Variants in LURAP1L observed in about 807,000 individuals in gnomAD.
The protein encoded by LURAP1L is leucine rich adaptor protein 1 like, also known as leucine rich adaptor protein 1-like.
Under a neutral mutation model 13.8 loss-of-function variants are expected in LURAP1L, and 12 were observed. The ratio of observed to expected loss-of-function variants is 0.87; its 90% CI spans 0.56 to 1.41. LURAP1L has a LOEUF of 1.41. LURAP1L is among the 40% of genes most tolerant of loss of function. The probability of loss-of-function intolerance (pLI) is 0.00; values close to 1 mark genes in which losing one functional copy is unlikely to be tolerated. For synonymous variants in LURAP1L, 139 were observed against 119.2 expected (o/e 1.17, Z -1.08); for missense variants, 375 against 292.9 (o/e 1.28, Z -2.04).
At chr9:12,777,616 A>T in intron 1 of LURAP1L, 1 of 955,624 alleles carries the variant, frequency 1.0e-6, no homozygotes, top group Non-Finnish European at 1.2e-6. Flanking sequence ...CACATCAAAG[A>T]TAATACTGTC....
Position 12,787,943 on chromosome 9 carries a change from C to G in LURAP1L, c.312+11916C>G, listed in dbSNP as rs182723716. Among the ~76,000 whole-genome samples the G allele has an allele frequency of 3.2e-3, 494 of 152,028 alleles. 4 individuals carry two copies. The highest frequency in any genetic ancestry group is 0.011 in the African/African-American group (452 of 41,444). On this transcript the variant is annotated intron_variant, in intron 1 of 1. Transcript: ENST00000319264. ...CCTGGCCAACATGGTGAAACCCCGTCTCTGCTAAAAATACAAAAATTAGCC... is the reference window on the plus strand; with the variant it reads ...CCTGGCCAACATGGTGAAACCCCGTGTCTGCTAAAAATACAAAAATTAGCC...
chr9:12,816,944 T>C (rs988295352), intron 1 of LURAP1L, among the ~76,000 whole-genome samples: 3 of 152,194 alleles, frequency 2.0e-5, no homozygotes, highest in Admixed American at 6.5e-5. Context: ...GTCCTGGTTG[T>C]TTGTTCCCTT....
intron 1 of LURAP1L, among the ~76,000 whole-genome samples, chr9:12,811,210 T>C (rs1412576017): frequency 6.6e-6 from 1 of 152,176 alleles, no homozygotes; most frequent in Non-Finnish European, 1.5e-5. Context: ...CTTAATAAAG[T>C]TGTCAATATT....
intron 1 of LURAP1L, among the ~76,000 whole-genome samples, chr9:12,817,969 C>G (rs1049322274): frequency 2.0e-5 from 3 of 152,008 alleles, no homozygotes; most frequent in African/African-American, 7.2e-5. Context: ...GCCCAGCGCT[C>G]CCACGGTGGG....
Position 12,775,969 on chromosome 9 carries a change from G to A in LURAP1L, c.254G>A (p.Ser85Asn), listed in dbSNP as rs758901842. ...SSPTSGSPRGSHSSALERLET... is the reference protein window; with the variant it reads ...SSPTSGSPRGNHSSALERLET... ...CCAACCTCTGGCTCCCCACGAGGTA[G>A]CCACTCTAGCGCCCTGGAGAGGCTA... is the stretch of plus-strand genomic sequence containing the variant. The change falls in exon 1 of 2, where the codon AGC becomes AAC. Residue 85 changes from serine to asparagine, a missense_variant. By Grantham distance (46) the Ser-to-Asn change is conservative. Coordinates refer to ENST00000319264, the MANE Select transcript of LURAP1L (RefSeq NM_203403.2). 6.2e-6 allele frequency: 10 copies of A among 1,601,736 alleles called. No individual in the cohort carries two copies. The East Asian group carries it at 1.1e-4, about 18-fold the overall frequency.
At chr9:12,777,084 C>A in intron 1 of LURAP1L, 1 of 310,350 alleles carries the variant, frequency 3.2e-6, no homozygotes, top group Non-Finnish European at 4.7e-6. Flanking sequence ...TTTTGATTTG[C>A]TTCAAAGTAG....
At chr9:12,820,991 T>G (rs1376814806) in intron 1 of LURAP1L, among the ~76,000 whole-genome samples, 2 of 152,212 alleles carry the variant, frequency 1.3e-5, no homozygotes, top group African/African-American at 4.8e-5. Context: ...CTCCTTAATT[T>G]GTTCACCTTC....
intron 1 of LURAP1L, 117 bp downstream of exon 1, chr9:12,776,144 G>A (rs560683720): frequency 6.5e-6 from 7 of 1,080,908 alleles, no homozygotes; most frequent in African/African-American, 4.8e-5. Context: ...AGCGCTGGGC[G>A]CGTGGGAAAT....
At chr9:12,781,241 G>T (rs963984674) in intron 1 of LURAP1L, among the ~76,000 whole-genome samples, 1 of 152,258 alleles carries the variant, frequency 6.6e-6, no homozygotes, top group East Asian at 1.9e-4. Context: ...AAAGTGCTGG[G>T]ATTACAGGTG....
In LURAP1L at chr9:12,821,853, A is replaced by G; in HGVS notation, c.*93A>G. ...TTTTGGTGTGATTTTTATTTTAATA[A>G]GATGACCTTTTTAAAAGAAGCTGAT... is the stretch of plus-strand genomic sequence containing the variant. On this transcript the variant is annotated 3_prime_UTR_variant, in exon 2 of 2. Transcript: ENST00000319264. The G allele has an allele frequency of 6.9e-7, 1 of 1,447,730 alleles. No homozygotes were observed. The highest frequency in any genetic ancestry group is 9.2e-7 in the Non-Finnish European group (1 of 1,082,996). 89.7% of individuals were successfully genotyped at this position (1,447,730 alleles called of 1,614,324 possible). A position where few individuals can be genotyped will look rare whatever the true frequency, so the allele number is the denominator to read the frequency against.
chr9:12,812,207 C>T (rs535983996), intron 1 of LURAP1L, among the ~76,000 whole-genome samples: 5 of 152,244 alleles, frequency 3.3e-5, no homozygotes, highest in East Asian at 1.9e-4. Flanking sequence ...TAGGGAACTA[C>T]GTAAGGATGT....
At chr9:12,804,586 G>A (rs749769380) in intron 1 of LURAP1L, among the ~76,000 whole-genome samples, 2 of 152,004 alleles carry the variant, frequency 1.3e-5, no homozygotes, top group African/African-American at 4.8e-5. Flanking sequence ...GAGGTGATCC[G>A]CTTGCCTCGG....
rs747476601 is a variant in LURAP1L at position 12,820,499 on chromosome 9, TCCC to T, written c.313-874_313-872del. Among the ~76,000 whole-genome samples, 141 of 14,732 alleles carry T rather than the reference TCCC, an allele frequency of 9.6e-3. 4 individuals carry two copies. Among genetic ancestry groups the T allele is most frequent in the Admixed American group, 0.022 (15 of 692 alleles). 9.7% of individuals were successfully genotyped at this position (14,732 alleles called of 152,430 possible). On this transcript the variant is annotated intron_variant, in intron 1 of 1. Coordinates refer to ENST00000319264, the MANE Select transcript of LURAP1L (RefSeq NM_203403.2). ...GCCTGGACGACAGATCGAGACTCCGTCCCCCCCCCCCCCCCAAAAAAAAAAAAG... is the reference window on the plus strand; with the variant it reads ...GCCTGGACGACAGATCGAGACTCCGTCCCCCCCCCCCCAAAAAAAAAAAAG...
chr9:12,777,868 T>C (rs530600961), intron 1 of LURAP1L, among the ~76,000 whole-genome samples: 2 of 152,302 alleles, frequency 1.3e-5, no homozygotes, highest in Non-Finnish European at 2.9e-5. Context: ...GTAACGTGAG[T>C]ATACATTTTA....
At chr9:12,781,191 G>A (rs1819264894) in intron 1 of LURAP1L, among the ~76,000 whole-genome samples, 2 of 152,040 alleles carry the variant, frequency 1.3e-5, no homozygotes, top group African/African-American at 4.8e-5. Context: ...GGCTGGTCTG[G>A]AACTCCTGAC....
chr9:12,776,975 C>T (rs1819195034), intron 1 of LURAP1L, among the ~76,000 whole-genome samples: 1 of 152,088 alleles, frequency 6.6e-6, no homozygotes, highest in Admixed American at 6.5e-5. Flanking sequence ...AAAACGACCA[C>T]AAAGCAACAG....
rs760866779 is a variant in LURAP1L, at chr9:12,775,955, C to G, written c.240C>G (p.Gly80=). 4 of 1,592,186 alleles carry G rather than the reference C, an allele frequency of 2.5e-6. No homozygotes were observed. In the East Asian group the frequency reaches 9.2e-5, roughly 37 times the overall value. The change falls in exon 1 of 2, where the codon GGC becomes GGG. Residue 80 remains glycine, a synonymous_variant. Transcript: ENST00000319264. ...CCTCTTCGTCCTCCCCAACCTCTGG[C>G]TCCCCACGAGGTAGCCACTCTAGCG... ...SSSSSSSPTS[G]SPRGSHSSAL... is the part of the protein sequence containing the mutation.
At chr9:12,819,816 T>A (rs1456549180) in intron 1 of LURAP1L, among the ~76,000 whole-genome samples, 1 of 152,092 alleles carries the variant, frequency 6.6e-6, no homozygotes, top group Non-Finnish European at 1.5e-5. Context: ...TAGCTGGACA[T>A]GGTGTTGCGT....
intron 1 of LURAP1L, among the ~76,000 whole-genome samples, chr9:12,795,213 C>T (rs982350025): frequency 2.0e-5 from 3 of 151,956 alleles, no homozygotes; most frequent in Admixed American, 2.0e-4. Flanking sequence ...CTGTCCCACC[C>T]CTATTTCCTA....
Sources: allele counts gnomAD v4.1 joint callset (sites outside exome capture counted in the v4.1 genomes callset), GRCh38; gene constraint gnomAD v4.1.1; transcripts MANE v1.5; gene names NCBI Gene and HGNC (gene_info 2026-07-23, HGNC 2026-07-21).